Variants in GALNT14 observed in about 807,000 individuals in gnomAD.
The protein encoded by GALNT14 is polypeptide N-acetylgalactosaminyltransferase 14.
In GALNT14, 60 loss-of-function variants were observed where a neutral mutation model predicts 77.5. The observed-to-expected ratio is 0.77, with a 90% confidence interval of 0.63 to 0.96. The LOEUF is 0.96. GALNT14 is among the 40% of genes least tolerant of loss of function. GALNT14 has a pLI of 0.00. For synonymous variants in GALNT14, 280 were observed against 281.7 expected (o/e 0.99, Z 0.06); for missense variants, 710 against 731.0 (o/e 0.97, Z 0.33).
intron 1 of GALNT14, among the ~76,000 whole-genome samples, chr2:30,996,623 C>T (rs1484061483): frequency 1.3e-5 from 2 of 152,258 alleles, no homozygotes; most frequent in Non-Finnish European, 2.9e-5. Flanking sequence ...TGCTGGTTTC[C>T]CTACAGGGCA....
chr2:30,924,380 T>G (rs1484436632), intron 12 of GALNT14, 117 bp from the exon 13 acceptor site: 2 of 1,089,178 alleles, frequency 1.8e-6, no homozygotes, highest in East Asian at 2.4e-5. Flanking sequence ...TTAGAAAATA[T>G]CTGCACTGCT....
downstream of GALNT14, among the ~76,000 whole-genome samples, chr2:30,909,537 A>G (rs1218594046): frequency 1.3e-4 from 19 of 149,836 alleles, 1 homozygote; most frequent in South Asian, 1.1e-3. Context: ...TTAGAATGGC[A>G]ATCATTAAAA....
chr2:31,050,957 G>C (rs1458248917), intron 1 of GALNT14, among the ~76,000 whole-genome samples: 1 of 152,146 alleles, frequency 6.6e-6, no homozygotes, highest in Admixed American at 6.5e-5. Flanking sequence ...AGGAAACAGA[G>C]AGGGGCGTTC....
intron 1 of GALNT14, among the ~76,000 whole-genome samples, chr2:31,127,285 C>G (rs1678749117): frequency 6.6e-6 from 1 of 152,184 alleles, no homozygotes; most frequent in Non-Finnish European, 1.5e-5. Context: ...AATCACACAG[C>G]CTGCGGGTCA....
chr2:31,101,112 T>A (rs192747623), intron 1 of GALNT14, among the ~76,000 whole-genome samples: 2,514 of 152,112 alleles, frequency 0.017, 38 homozygotes, highest in Middle Eastern at 0.024. Context: ...CAGTCAAGCT[T>A]TCTTGAGTGT....
chr2:31,123,925 T>G (rs1678550029), intron 1 of GALNT14, among the ~76,000 whole-genome samples: 1 of 152,094 alleles, frequency 6.6e-6, no homozygotes, highest in South Asian at 2.1e-4. Context: ...GAGACACAGT[T>G]GTATCTTTCC....
At chr2:30,970,228 G>T (rs1668265448) in intron 2 of GALNT14, among the ~76,000 whole-genome samples, 1 of 152,086 alleles carries the variant, frequency 6.6e-6, no homozygotes, top group Non-Finnish European at 1.5e-5. Context: ...GCATTGAGAG[G>T]CAAGAGGAGG....
At chr2:31,063,873 G>A (rs1316022210) in intron 1 of GALNT14, among the ~76,000 whole-genome samples, 1 of 152,016 alleles carries the variant, frequency 6.6e-6, no homozygotes, top group Admixed American at 6.6e-5. Context: ...TATTATTCGT[G>A]TAAGTTTCAA....
chr2:30,916,073 C>T (rs908903269), intron 13 of GALNT14, among the ~76,000 whole-genome samples: 53 of 152,222 alleles, frequency 3.5e-4, no homozygotes, highest in African/African-American at 1.2e-3. Context: ...TAGCAGGAGA[C>T]AAGATAAGAG....
chr2:30,925,396 A>G (rs1647069295), intron 11 of GALNT14, among the ~76,000 whole-genome samples: 1 of 152,250 alleles, frequency 6.6e-6, no homozygotes, highest in Non-Finnish European at 1.5e-5. Flanking sequence ...ATCACAGCCC[A>G]GGTGACATAG....
At chr2:31,070,555 G>C (rs1675300101) in intron 1 of GALNT14, among the ~76,000 whole-genome samples, 1 of 152,164 alleles carries the variant, frequency 6.6e-6, no homozygotes, top group South Asian at 2.1e-4. Context: ...AAAATGCTCG[G>C]CAGCAATTTA....
intron 1 of GALNT14, among the ~76,000 whole-genome samples, chr2:31,118,911 C>G (rs904575676): frequency 6.6e-6 from 1 of 152,108 alleles, no homozygotes; most frequent in African/African-American, 2.4e-5. Flanking sequence ...GTTCCCAGAA[C>G]TAGAACCCAA....
At chr2:30,944,250 C>G (rs1666553221) in intron 8 of GALNT14, among the ~76,000 whole-genome samples, 1 of 152,184 alleles carries the variant, frequency 6.6e-6, no homozygotes, top group Non-Finnish European at 1.5e-5. Context: ...ACCCCAAGCC[C>G]TCAGTTGGTC....
At chr2:31,076,667 C>T (rs1261432357) in intron 1 of GALNT14, among the ~76,000 whole-genome samples, 1 of 149,252 alleles carries the variant, frequency 6.7e-6, no homozygotes, top group Non-Finnish European at 1.5e-5. Flanking sequence ...CATTTAGTGG[C>T]CTCAAGAAAC....
chr2:30,960,518 G>A (rs1667627889), intron 3 of GALNT14, among the ~76,000 whole-genome samples: 1 of 152,190 alleles, frequency 6.6e-6, no homozygotes, highest in South Asian at 2.1e-4. Flanking sequence ...TCAGCAGTGA[G>A]TGCTAATTAG....
chr2:30,897,319 G>C, the GALNT14 span, among the ~76,000 whole-genome samples: 1 of 152,144 alleles, frequency 6.6e-6, no homozygotes, highest in Non-Finnish European at 1.5e-5. Flanking sequence ...CCTGCCCCCG[G>C]TTTGGCAAGA....
At chr2:30,905,234 A>G in the GALNT14 span, among the ~76,000 whole-genome samples, 2 of 152,214 alleles carry the variant, frequency 1.3e-5, no homozygotes, top group Admixed American at 6.5e-5. Context: ...GAGCTGAGAG[A>G]AGAAGCCTTC....
chr2:31,019,365 C>A (rs1445217143), intron 1 of GALNT14, among the ~76,000 whole-genome samples: 1 of 152,188 alleles, frequency 6.6e-6, no homozygotes, highest in Non-Finnish European at 1.5e-5. Flanking sequence ...TGAAAGGAAG[C>A]CTTCTTTCCA....
chr2:31,063,875 A>G (rs1381276246), intron 1 of GALNT14, among the ~76,000 whole-genome samples: 1 of 152,080 alleles, frequency 6.6e-6, no homozygotes, highest in Non-Finnish European at 1.5e-5. Flanking sequence ...TTATTCGTGT[A>G]AGTTTCAATA....
Sources: gnomAD v4.1 joint callset for allele counts (sites outside exome capture counted in the v4.1 genomes callset) on GRCh38, gnomAD v4.1.1 for gene constraint, MANE v1.5 for transcripts, NCBI Gene and HGNC (gene_info 2026-07-23, HGNC 2026-07-21) for gene names.